The following FGF12 variants were observed in gnomAD, a reference collection of about 807,000 sequenced individuals.
The protein encoded by FGF12 is fibroblast growth factor 12.
A neutral mutation model predicts 23.6 loss-of-function variants in FGF12; 14 were observed. The observed-to-expected ratio is 0.59, with a 90% CI of 0.39 to 0.93. The LOEUF (loss-of-function observed/expected upper bound fraction) is 0.93, where lower values mean the gene tolerates loss of function less well. Among genes scored for constraint, FGF12 ranks in the 40% least tolerant of loss-of-function variants. FGF12 has a pLI of 0.00. For missense variants in FGF12, 175 were observed against 217.8 expected (o/e 0.80, Z 1.24); for synonymous variants, 62 against 77.3 (o/e 0.80, Z 1.04).
chr3:192,688,399 C>G (rs1717834105), intron 2 of FGF12, among the ~76,000 whole-genome samples: 1 of 152,180 alleles, frequency 6.6e-6, no homozygotes, highest in Non-Finnish European at 1.5e-5. Context: ...CTTACCAAAA[C>G]CAGTCTATAA....
At position 192,409,125 on chromosome 3, in the gene FGF12, C is replaced by T. The variant is rs952870048; in HGVS notation, c.14-48587G>A. On this transcript the variant is annotated intron_variant, in intron 2 of 5. Coordinates refer to ENST00000445105, the MANE Select transcript of FGF12 (RefSeq NM_004113.6). The surrounding 1 kb of genome is among the most constrained non-coding windows in gnomAD (Gnocchi z 4.8). ...AGATCCTCGAGGGCCAAGCACCCCT[C>T]GGGGAGAAACCAGCGAGAGGCGATC... 2.9e-6 allele frequency: 1 copy of T among 340,514 alleles called. No individual in the cohort carries two copies. Among genetic ancestry groups the T allele is most frequent in the Non-Finnish European group, 4.2e-6 (1 of 240,268 alleles). 21.1% of individuals were successfully genotyped at this position (340,514 alleles called of 1,614,324 possible). A position where few individuals can be genotyped will look rare whatever the true frequency, so the allele number is the denominator to read the frequency against.
At chr3:192,458,192 T>C (rs1560117236) in intron 2 of FGF12, among the ~76,000 whole-genome samples, 1 of 152,164 alleles carries the variant, frequency 6.6e-6, no homozygotes, top group Non-Finnish European at 1.5e-5. Flanking sequence ...GCTTGGGAAG[T>C]GCAGAAGGGA....
chr3:192,495,922 C>T (rs1205322559), intron 2 of FGF12, among the ~76,000 whole-genome samples: 1 of 152,130 alleles, frequency 6.6e-6, no homozygotes, highest in Non-Finnish European at 1.5e-5. Context: ...CCCGGCCTCC[C>T]AAATTGCTGG....
At chr3:192,640,430 G>T (rs1207900648) in intron 2 of FGF12, among the ~76,000 whole-genome samples, 2 of 152,038 alleles carry the variant, frequency 1.3e-5, no homozygotes, top group East Asian at 3.9e-4. Flanking sequence ...TTTTTCACAG[G>T]CTAATTTTAT....
chr3:192,553,698 A>G (rs9859301), intron 2 of FGF12, among the ~76,000 whole-genome samples: 33,362 of 152,044 alleles, frequency 0.22, 4,042 homozygotes, highest in Middle Eastern at 0.4. Flanking sequence ...TAGTCCCCCC[A>G]ACCCCCGGCT....
chr3:192,226,924 TA>T (rs58887903), intron 4 of FGF12, among the ~76,000 whole-genome samples: 25 of 151,410 alleles, frequency 1.7e-4, no homozygotes, highest in Admixed American at 7.2e-4. Flanking sequence ...GTGTGTCAAT[TA>T]AAAAAAATGA....
intron 4 of FGF12, among the ~76,000 whole-genome samples, chr3:192,278,703 G>C (rs982604529): frequency 1.3e-5 from 2 of 152,184 alleles, no homozygotes; most frequent in African/African-American, 4.8e-5. Context: ...AGAGCTGATG[G>C]AAAAGTGGTT....
chr3:192,303,808 A>G (rs1354025463), intron 4 of FGF12, among the ~76,000 whole-genome samples: 1 of 152,202 alleles, frequency 6.6e-6, no homozygotes, highest in Middle Eastern at 3.2e-3. Context: ...CTGGCCTAAC[A>G]TATCTCACAG....
chr3:192,500,246 A>C (rs1052752791), intron 2 of FGF12, among the ~76,000 whole-genome samples: 1 of 152,086 alleles, frequency 6.6e-6, no homozygotes, highest in Non-Finnish European at 1.5e-5. Context: ...CCTCTTACAC[A>C]CCTGGAAGGA....
At chr3:192,634,685 T>C (rs1715515023) in intron 2 of FGF12, among the ~76,000 whole-genome samples, 1 of 152,188 alleles carries the variant, frequency 6.6e-6, no homozygotes, top group Non-Finnish European at 1.5e-5. Context: ...AGGTGTACAA[T>C]AAATCACTAA....
At chr3:192,635,049 G>A (rs944964082) in intron 2 of FGF12, among the ~76,000 whole-genome samples, 3 of 152,056 alleles carry the variant, frequency 2.0e-5, no homozygotes, top group Non-Finnish European at 2.9e-5. Context: ...TACTGGAGAC[G>A]GGTTTTTGCC....
At chr3:192,147,232 T>G (rs1480461459) in intron 5 of FGF12, among the ~76,000 whole-genome samples, 1 of 152,222 alleles carries the variant, frequency 6.6e-6, no homozygotes, top group Non-Finnish European at 1.5e-5. Context: ...TAATTTTCAT[T>G]GTTATTTACA....
chr3:192,488,277 A>G (rs1317045505), intron 2 of FGF12, among the ~76,000 whole-genome samples: 1 of 152,152 alleles, frequency 6.6e-6, no homozygotes, highest in Non-Finnish European at 1.5e-5. Flanking sequence ...ATTATGAAAT[A>G]TCTGGGGAAT....
At position 192,207,704 on chromosome 3, in the gene FGF12, G is replaced by A. The variant is rs62294738; in HGVS notation, c.229-37048C>T. Among the ~76,000 whole-genome samples, 1,172 of 152,258 alleles carry A rather than the reference G, an allele frequency of 7.7e-3. 8 individuals are homozygous for A. Among genetic ancestry groups the A allele is most frequent in the Non-Finnish European group, 0.012 (833 of 68,018 alleles). ...CCAGCAGAGGATGAAGATCTGCAACGGGGATCCAGCAGAGGTTTTTAGCAG... is the reference window on the plus strand; with the variant it reads ...CCAGCAGAGGATGAAGATCTGCAACAGGGATCCAGCAGAGGTTTTTAGCAG... On this transcript the variant is annotated intron_variant, in intron 4 of 5. Coordinates refer to ENST00000445105, the MANE Select transcript of FGF12 (RefSeq NM_004113.6).
At position 192,287,688 on chromosome 3, in the gene FGF12, C is replaced by G. The variant is rs73064590; in HGVS notation, c.228+47673G>C. ...AATGAAAAGGGTATTCATCTAGATT[C>G]CAAGTTCAACAACTATTTATTTAAT... On this transcript the variant is annotated intron_variant, in intron 4 of 5. Transcript: ENST00000445105. 6.5e-3 allele frequency among the ~76,000 whole-genome samples: 994 copies of G among 152,068 alleles called. 4 individuals are homozygous for G. The highest frequency in any genetic ancestry group is 0.011 in the Non-Finnish European group (734 of 67,936).
At chr3:192,488,368 G>A (rs1560126684) in intron 2 of FGF12, among the ~76,000 whole-genome samples, 1 of 151,950 alleles carries the variant, frequency 6.6e-6, no homozygotes, top group Non-Finnish European at 1.5e-5. Flanking sequence ...CTTAACCCAG[G>A]TCTAAATTGT....
intron 2 of FGF12, among the ~76,000 whole-genome samples, chr3:192,383,064 C>T (rs1270152578): frequency 6.6e-6 from 1 of 152,078 alleles, no homozygotes; most frequent in African/African-American, 2.4e-5. Context: ...TGTGTGGGAG[C>T]ACAGTAAAAA....
At chr3:192,323,587 G>C (rs1285735509) in intron 4 of FGF12, among the ~76,000 whole-genome samples, 1 of 152,140 alleles carries the variant, frequency 6.6e-6, no homozygotes, top group Non-Finnish European at 1.5e-5. Context: ...GAGTAGGGTT[G>C]GTTGATGGGT....
intron 3 of FGF12, among the ~76,000 whole-genome samples, chr3:192,353,559 C>T (rs1301476827): frequency 4.0e-5 from 6 of 151,880 alleles, no homozygotes; most frequent in African/African-American, 1.2e-4. Context: ...TTAGTAGAGA[C>T]GGGGTTTCAC....
Sources: allele counts gnomAD v4.1 joint callset (sites outside exome capture counted in the v4.1 genomes callset), GRCh38; gene constraint gnomAD v4.1.1; non-coding constraint Gnocchi (gnomAD v3.1); transcripts MANE v1.5; gene names NCBI Gene and HGNC (gene_info 2026-07-23, HGNC 2026-07-21).